Variants in IFT88 observed in about 807,000 individuals in gnomAD.
The protein encoded by IFT88 is intraflagellar transport 88.
Under a neutral mutation model 119.5 loss-of-function variants are expected in IFT88, and 74 were observed. The ratio of observed to expected loss-of-function variants is 0.62; its 90% confidence interval spans 0.51 to 0.75. The LOEUF (loss-of-function observed/expected upper bound fraction) is 0.75, where lower values mean the gene tolerates loss of function less well. Ranked by LOEUF, IFT88 falls within the 30% of genes least tolerant of loss-of-function variation. The pLI is 0.00. For synonymous variants in IFT88, 279 were observed against 316.7 expected (o/e 0.88, Z 1.26); for missense variants, 961 against 977.7 (o/e 0.98, Z 0.23).
rs1334823121 is a variant in IFT88 at position 20,584,321 on chromosome 13, G to A, written c.153+1302G>A. The stretch of plus-strand genomic sequence containing the variant: ...GTCTTCTTTAATTCATCAATGTTTT[G>A]TAGTTTTCAGTGTATCTAGTAAGTG... On this transcript the variant is annotated intron_variant, in intron 3 of 25. Coordinates refer to ENST00000351808, the MANE Select transcript of IFT88 (RefSeq NM_006531.5). 2.6e-5 allele frequency among the ~76,000 whole-genome samples: 4 copies of A among 152,092 alleles called. No individual in the cohort carries two copies. In the East Asian group the frequency reaches 7.7e-4, roughly 29 times the overall value.
intron 7 of IFT88, among the ~76,000 whole-genome samples, 156 bp from the exon 8 acceptor site, chr13:20,595,994 G>T (rs764970647): frequency 6.6e-6 from 1 of 152,086 alleles, no homozygotes; most frequent in African/African-American, 2.4e-5. Context: ...ACTACAGGCT[G>T]CAGTGAGCTA....
At chr13:20,662,357 C>G (rs1439668203) in intron 22 of IFT88, among the ~76,000 whole-genome samples, 2 of 151,946 alleles carry the variant, frequency 1.3e-5, no homozygotes, top group Non-Finnish European at 1.5e-5. Context: ...GATTCACAGC[C>G]AAATTCTACC....
intron 15 of IFT88, among the ~76,000 whole-genome samples, chr13:20,627,735 A>G: frequency 6.7e-6 from 1 of 149,746 alleles, no homozygotes; most frequent in African/African-American, 2.5e-5. Context: ...CATCTCAAAA[A>G]AAAAAAAAAA....
chr13:20,615,924 A>C (rs1278792623), intron 14 of IFT88, 45 bp downstream of exon 14: 2 of 1,084,018 alleles, frequency 1.8e-6, no homozygotes, highest in Admixed American at 5.1e-5. Context: ...GGTTTTTTTC[A>C]TAATTTATAC....
chr13:20,633,906 A>T (rs932912983), intron 16 of IFT88, among the ~76,000 whole-genome samples: 1 of 152,204 alleles, frequency 6.6e-6, no homozygotes, highest in African/African-American at 2.4e-5. Context: ...ATCACCAGGT[A>T]TATGCTTACA....
rs745496720 is a variant in IFT88 at position 20,690,695 on chromosome 13, G to A, written c.2243-10G>A. On this transcript the variant is annotated splice_polypyrimidine_tract_variant and intron_variant, in intron 24 of 25. Transcript: ENST00000351808. ...ATTAAACAAATGCATTTTTATTTTCGTGTTTTCAGATAGTGGCCAGAACTA... is the reference window on the plus strand; with the variant it reads ...ATTAAACAAATGCATTTTTATTTTCATGTTTTCAGATAGTGGCCAGAACTA... 15 of 1,554,998 alleles carry A rather than the reference G, an allele frequency of 9.6e-6. No homozygotes were observed. The highest frequency in any genetic ancestry group is 1.7e-4 in the Middle Eastern group (1 of 5,940).
chr13:20,668,330 T>A (rs2055112016), intron 23 of IFT88, among the ~76,000 whole-genome samples: 1 of 152,136 alleles, frequency 6.6e-6, no homozygotes, highest in South Asian at 2.1e-4. Context: ...GTATGAGAGA[T>A]GTGCAGTTAA....
At chr13:20,674,720 ATATATTT>A (rs2056410495) in intron 24 of IFT88, among the ~76,000 whole-genome samples, 2 of 28,422 alleles carry the variant, frequency 7.0e-5, no homozygotes, top group East Asian at 6.5e-4. Flanking sequence ...ATATATATAT[ATATATTT>A]TTTTTTTTTT....
intron 14 of IFT88, among the ~76,000 whole-genome samples, chr13:20,623,618 G>T (rs2046871955): frequency 6.6e-6 from 1 of 152,096 alleles, no homozygotes; most frequent in Admixed American, 6.5e-5. Context: ...GGGACTACGG[G>T]CACCCACCAC....
rs571886266 is a variant in IFT88, at chr13:20,602,312, C to T, written c.1041+379C>T. ...CTCTGCCTCCCAGGCTCTGGCAATTCTCATGCCTCAGCCTCCTGAGTAGCT... is the reference window on the plus strand; with the variant it reads ...CTCTGCCTCCCAGGCTCTGGCAATTTTCATGCCTCAGCCTCCTGAGTAGCT... On this transcript the variant is annotated intron_variant, in intron 12 of 25. Transcript: ENST00000351808. 1.5e-4 allele frequency among the ~76,000 whole-genome samples: 21 copies of T among 143,376 alleles called. No individual in the cohort carries two copies. In the South Asian group the frequency reaches 4.6e-3, roughly 32 times the overall value. 94.1% of individuals were successfully genotyped at this position (143,376 alleles called of 152,430 possible).
intron 1 of IFT88, among the ~76,000 whole-genome samples, chr13:20,568,176 A>G (rs2035335914): frequency 6.6e-6 from 1 of 151,410 alleles, no homozygotes; most frequent in African/African-American, 2.4e-5. Flanking sequence ...CATACCTTTC[A>G]CTTAAAAAAA....
At chr13:20,600,421 A>G (rs1246521686) in intron 11 of IFT88, among the ~76,000 whole-genome samples, 2 of 152,148 alleles carry the variant, frequency 1.3e-5, no homozygotes, top group Admixed American at 1.3e-4. Flanking sequence ...CATACTTGAT[A>G]TTGACTCTTT....
chr13:20,591,547 G>A (rs553258739), intron 5 of IFT88, 71 bp from the exon 6 acceptor site: 1 of 1,125,868 alleles, frequency 8.9e-7, no homozygotes, highest in East Asian at 2.4e-5. Context: ...ATTAAGGTGT[G>A]TGTAATGTGC....
At chr13:20,597,864 T>TGAG (rs1449167262) in intron 9 of IFT88, among the ~76,000 whole-genome samples, 1 of 151,836 alleles carries the variant, frequency 6.6e-6, no homozygotes, top group Non-Finnish European at 1.5e-5. Flanking sequence ...ATCAAGGTGG[T>TGAG]TATTTTGATG....
chr13:20,649,092 G>T (rs1300366698), intron 20 of IFT88, among the ~76,000 whole-genome samples: 1 of 152,130 alleles, frequency 6.6e-6, no homozygotes, highest in Non-Finnish European at 1.5e-5. Context: ...TTAAAAATGT[G>T]TGTTACCGTC....
At chr13:20,594,224 C>G (rs2041237208) in intron 7 of IFT88, among the ~76,000 whole-genome samples, 1 of 152,128 alleles carries the variant, frequency 6.6e-6, no homozygotes, top group Non-Finnish European at 1.5e-5. Flanking sequence ...TCCCCAAGCG[C>G]CTGCCGATCA....
At chr13:20,691,008 T>C in intron 25 of IFT88, 46 bp from the exon 26 acceptor site, 2 of 1,598,106 alleles carry the variant, frequency 1.3e-6, no homozygotes, top group Non-Finnish European at 1.7e-6. Flanking sequence ...CACATTTGTT[T>C]TGTTTGTTTA....
chr13:20,664,069 C>G (rs1225310323), intron 23 of IFT88, among the ~76,000 whole-genome samples: 1 of 152,074 alleles, frequency 6.6e-6, no homozygotes, highest in Non-Finnish European at 1.5e-5. Context: ...GATCAAATAC[C>G]AACTCAGGAT....
At chr13:20,605,433 CT>C (rs1324123614) in intron 13 of IFT88, among the ~76,000 whole-genome samples, 1 of 152,150 alleles carries the variant, frequency 6.6e-6, no homozygotes, top group Non-Finnish European at 1.5e-5. Flanking sequence ...CTTTGTTTAT[CT>C]TACCTTTATT....
Sources: gnomAD v4.1 joint callset for allele counts (sites outside exome capture counted in the v4.1 genomes callset) on GRCh38, gnomAD v4.1.1 for gene constraint, MANE v1.5 for transcripts, NCBI Gene and HGNC (gene_info 2026-07-23, HGNC 2026-07-21) for gene names.